CCDC171: variants seen among roughly 807,000 people sequenced by gnomAD.
The protein encoded by CCDC171 is coiled-coil domain-containing protein 171.
In CCDC171, 177 loss-of-function variants were observed where a neutral mutation model predicts 168.2. The ratio of observed to expected loss-of-function variants is 1.05; its 90% confidence interval spans 0.93 to 1.19. CCDC171 has a LOEUF of 1.19. Ranked by LOEUF, CCDC171 falls within the 50% of genes most tolerant of loss-of-function variation. The pLI is 0.00. For synonymous variants in CCDC171, 687 were observed against 540.8 expected (o/e 1.27, Z -3.75); for missense variants, 1,991 against 1,539.0 (o/e 1.29, Z -4.91).
chr9:15,975,602 C>T (rs10756731), downstream of CCDC171, among the ~76,000 whole-genome samples: 1 of 151,938 alleles, frequency 6.6e-6, no homozygotes, highest in African/African-American at 2.4e-5. Context: ...CACACAGATA[C>T]TCTCAGAAGC....
intron 11 of CCDC171, among the ~76,000 whole-genome samples, chr9:15,713,121 A>G (rs1253925585): frequency 6.6e-6 from 1 of 152,260 alleles, no homozygotes; most frequent in East Asian, 1.9e-4. Flanking sequence ...ATTGGTGTAT[A>G]TTTGTATATT....
chr9:15,875,675 A>C (rs989512307), intron 24 of CCDC171: 1 of 151,960 alleles, frequency 6.6e-6, no homozygotes, highest in African/African-American at 2.4e-5. Context: ...TTTTATAGAA[A>C]ATTAATGTCA....
chr9:15,602,796 T>C (rs766259494), intron 6 of CCDC171, among the ~76,000 whole-genome samples: 2 of 151,716 alleles, frequency 1.3e-5, no homozygotes, highest in African/African-American at 2.4e-5. Context: ...TAGCTGGGAT[T>C]ACAGGCACGC....
chr9:16,004,323 GA>G (rs962939633), intron 3 of CCDC171, among the ~76,000 whole-genome samples: 47 of 152,226 alleles, frequency 3.1e-4, no homozygotes, highest in African/African-American at 1.1e-3. Context: ...CACCAGAAGT[GA>G]AAAATAACTG....
intron 25 of CCDC171, among the ~76,000 whole-genome samples, chr9:15,928,623 A>G (rs940625723): frequency 3.4e-5 from 5 of 147,776 alleles, no homozygotes; most frequent in Non-Finnish European, 7.7e-5. Flanking sequence ...ATGTCATAAC[A>G]GTGCTCATTT....
chr9:15,894,077 C>T (rs1820564316), intron 24 of CCDC171, among the ~76,000 whole-genome samples: 1 of 152,092 alleles, frequency 6.6e-6, no homozygotes, highest in Admixed American at 6.6e-5. Flanking sequence ...ACATACACAC[C>T]ATGGAATACT....
chr9:15,676,919 G>A (rs1489684539), intron 9 of CCDC171, among the ~76,000 whole-genome samples: 4 of 151,956 alleles, frequency 2.6e-5, no homozygotes, highest in Non-Finnish European at 5.9e-5. Flanking sequence ...ATATGAAATG[G>A]TTTACTTATG....
chr9:16,011,641 G>A (rs1272837787), intron 3 of CCDC171, among the ~76,000 whole-genome samples: 1 of 152,094 alleles, frequency 6.6e-6, no homozygotes, highest in Non-Finnish European at 1.5e-5. Flanking sequence ...TAGTGGAAAT[G>A]TATCCATTCC....
intron 3 of CCDC171, among the ~76,000 whole-genome samples, chr9:15,993,266 A>C (rs1359199332): frequency 6.6e-6 from 1 of 152,158 alleles, no homozygotes; most frequent in Non-Finnish European, 1.5e-5. Context: ...AATGGAACAG[A>C]ACAGAGCCCT....
chr9:15,793,725 T>G lies in CCDC171; in HGVS notation c.3267+9031T>G, dbSNP rs78104557. Reference sequence around the variant, plus strand: ...CCACAACACCTGGCTAAGTTTTATATTTTTATTAGGACAGTGTTTCACCAT... The same window carrying G: ...CCACAACACCTGGCTAAGTTTTATAGTTTTATTAGGACAGTGTTTCACCAT... On this transcript the variant is annotated intron_variant, in intron 21 of 25. Coordinates refer to ENST00000380701, the MANE Select transcript of CCDC171 (RefSeq NM_173550.4). 5.2e-3 allele frequency among the ~76,000 whole-genome samples: 794 copies of G among 152,024 alleles called. 5 individuals are homozygous for G. Among genetic ancestry groups the G allele is most frequent in the African/African-American group, 0.019 (777 of 41,436 alleles).
At chr9:15,696,309 T>G (rs1370576456) in intron 11 of CCDC171, among the ~76,000 whole-genome samples, 1 of 152,220 alleles carries the variant, frequency 6.6e-6, no homozygotes, top group East Asian at 1.9e-4. Context: ...GATTTCTCAG[T>G]TGGTAAGCTA....
chr9:16,080,258 G>A, the CCDC171 span, among the ~76,000 whole-genome samples: 1 of 152,124 alleles, frequency 6.6e-6, no homozygotes, highest in Non-Finnish European at 1.5e-5. Flanking sequence ...ATTCAATTGG[G>A]AAATGGTCTA....
chr9:15,668,813 T>A (rs1208707962), intron 9 of CCDC171, among the ~76,000 whole-genome samples: 1 of 152,188 alleles, frequency 6.6e-6, no homozygotes, highest in African/African-American at 2.4e-5. Context: ...TAAAGATGAT[T>A]CTGAATTTTT....
At chr9:15,961,627 T>TA (rs1830340017) in intron 25 of CCDC171, among the ~76,000 whole-genome samples, 1 of 152,274 alleles carries the variant, frequency 6.6e-6, no homozygotes, top group East Asian at 1.9e-4. Flanking sequence ...GAAAAACACT[T>TA]AAAGACCTAT....
At chr9:15,718,796 G>A (rs1463399600) in intron 11 of CCDC171, among the ~76,000 whole-genome samples, 1 of 152,196 alleles carries the variant, frequency 6.6e-6, no homozygotes, top group Non-Finnish European at 1.5e-5. Flanking sequence ...AGCTGCAGTG[G>A]CCAAAAACTT....
chr9:15,920,692 A>G (rs1467401125), intron 25 of CCDC171, among the ~76,000 whole-genome samples: 1 of 151,784 alleles, frequency 6.6e-6, no homozygotes, highest in Non-Finnish European at 1.5e-5. Flanking sequence ...TGCAGCTGAC[A>G]GTTGAATTTG....
At chr9:16,024,140 AG>A (rs1456986256) in intron 6 of CCDC171, among the ~76,000 whole-genome samples, 1 of 152,084 alleles carries the variant, frequency 6.6e-6, no homozygotes, top group African/African-American at 2.4e-5. Context: ...ATCCTCCCAA[AG>A]GAATGCAGCT....
At chr9:15,915,394 A>T (rs897034775) in intron 24 of CCDC171, among the ~76,000 whole-genome samples, 4 of 151,344 alleles carry the variant, frequency 2.6e-5, no homozygotes, top group Non-Finnish European at 5.9e-5. Flanking sequence ...GGAATTGGAT[A>T]GCTTTCTTGA....
intron 8 of CCDC171, among the ~76,000 whole-genome samples, chr9:16,036,783 G>T (rs1366595669): frequency 6.6e-6 from 1 of 152,202 alleles, no homozygotes; most frequent in Non-Finnish European, 1.5e-5. Flanking sequence ...TATAGATGTG[G>T]TCTAGGAATA....
Sources: allele counts gnomAD v4.1 joint callset (sites outside exome capture counted in the v4.1 genomes callset), GRCh38; gene constraint gnomAD v4.1.1; transcripts MANE v1.5; gene names NCBI Gene and HGNC (gene_info 2026-07-23, HGNC 2026-07-21).